The following IL4 variants were observed in gnomAD, a reference collection of about 807,000 sequenced individuals.
IL4 encodes the protein interleukin-4.
In IL4, 10 loss-of-function variants were observed where a neutral mutation model predicts 17.4. The ratio of observed to expected loss-of-function variants is 0.57; its 90% CI spans 0.35 to 0.97. The LOEUF is 0.97. Among genes scored for constraint, IL4 ranks in the 50% least tolerant of loss-of-function variants. The probability of loss-of-function intolerance (pLI) is 0.01; values close to 1 mark genes in which losing one functional copy is unlikely to be tolerated. For synonymous variants in IL4, 87 were observed against 79.0 expected, an observed-to-expected ratio of 1.10 and a Z score of -0.54; for missense variants, 174 against 187.7, an observed-to-expected ratio of 0.93 and a Z score of 0.43.
In IL4 at chr5:132,680,703, C is replaced by T. The variant is rs2243281; in HGVS notation, c.360+813C>T. On this transcript the variant is annotated intron_variant, in intron 3 of 3. Coordinates refer to ENST00000231449, the MANE Select transcript of IL4 (RefSeq NM_000589.4). The surrounding 1 kb of genome is among the most constrained non-coding windows in gnomAD (Gnocchi z 4.3). ...CTACCACAGTAAACCAGGCTAGAGA[C>T]GATGGTGGCGTGGACAGAATGAAGC... 0.026 allele frequency among the ~76,000 whole-genome samples: 45 copies of T among 1,706 alleles called. 10 individuals are homozygous for T. The highest frequency in any genetic ancestry group is 0.031 in the African/African-American group (11 of 356). The allele number at this position is 1,706 out of a possible 152,430, so 1.1% of individuals were successfully genotyped here.
intron 3 of IL4, among the ~76,000 whole-genome samples, chr5:132,681,574 A>G (rs1752489285): frequency 6.6e-6 from 1 of 152,206 alleles, no homozygotes; most frequent in South Asian, 2.1e-4. Flanking sequence ...CAGGGTGGTT[A>G]TGGAGTGAGG....
intron 3 of IL4, among the ~76,000 whole-genome samples, chr5:132,681,522 G>GATGTTTAGCTAT (rs369898740): frequency 1.1e-4 from 16 of 152,330 alleles, no homozygotes; most frequent in African/African-American, 3.8e-4. Flanking sequence ...ACTCTTTGAA[G>GATGTTTAGCTAT]ATGTTTAGCT....
intron 2 of IL4, chr5:132,677,636 T>C (rs1752405315): frequency 6.6e-6 from 1 of 152,238 alleles, no homozygotes; most frequent in African/African-American, 2.4e-5. Flanking sequence ...TTTTTTCCTA[T>C]ACTATGTGGC....
chr5:132,677,905 C>T (rs1752411804), intron 2 of IL4: 1 of 152,170 alleles, frequency 6.6e-6, no homozygotes, highest in African/African-American at 2.4e-5. Flanking sequence ...CCCCCAGAGC[C>T]CAAAGATACT....
chr5:132,675,857 G>A (rs1581042637), intron 2 of IL4, among the ~76,000 whole-genome samples: 2 of 135,462 alleles, frequency 1.5e-5, no homozygotes, highest in East Asian at 3.9e-4. Flanking sequence ...TTATGTGTGT[G>A]TGTGTGTGTG....
Position 132,674,078 on chromosome 5 carries a change from C to T in IL4, c.28C>T (p.Pro10Ser), listed in dbSNP as rs765889733. MGLTSQLLP[P>S]LFFLLACAGN... ...GGGTCTCACCTCCCAACTGCTTCCC[C>T]CTCTGTTCTTCCTGCTAGCATGTGC... The change falls in exon 1 of 4, where the codon CCT (proline) becomes TCT (serine). Residue 10 changes from proline to serine, a missense_variant. Transcript: ENST00000231449. 2 of 1,614,090 alleles carry T rather than the reference C, an allele frequency of 1.2e-6. No homozygotes were observed. The highest frequency in any genetic ancestry group is 3.3e-5 in the Admixed American group (2 of 60,006).
intron 2 of IL4, among the ~76,000 whole-genome samples, chr5:132,679,185 T>G (rs1026354346): frequency 7.9e-5 from 12 of 152,142 alleles, no homozygotes; most frequent in Non-Finnish European, 4.4e-5. Context: ...ACACGGAGAG[T>G]GCTGGCCAAA....
chr5:132,678,457 G>A (rs909789069), intron 2 of IL4, among the ~76,000 whole-genome samples: 1 of 152,164 alleles, frequency 6.6e-6, no homozygotes, highest in Middle Eastern at 3.2e-3. Context: ...ATGTATTTTT[G>A]TTGAATATAT....
At chr5:132,674,580 C>T in intron 2 of IL4, 74 bp downstream of exon 2, 1 of 1,292,568 alleles carries the variant, frequency 7.7e-7, no homozygotes, top group South Asian at 1.2e-5. Context: ...AGAAACTTGT[C>T]TAATGGAAAA....
rs1292803225 is a variant in IL4, at chr5:132,680,545, G to A, written c.360+655G>A. ...TACGTGATTTAAAAGGGTCAGTCTGGCTACTGTGTGGTAAATAGGCTGAAA... is the reference window on the plus strand; with the variant it reads ...TACGTGATTTAAAAGGGTCAGTCTGACTACTGTGTGGTAAATAGGCTGAAA... On this transcript the variant is annotated intron_variant, in intron 3 of 3. Coordinates refer to ENST00000231449, the MANE Select transcript of IL4 (RefSeq NM_000589.4). This position sits in a 1 kb window ranked among gnomAD's most constrained non-coding sequence, Gnocchi z 4.3. 6.6e-6 allele frequency among the ~76,000 whole-genome samples: 1 copy of A among 152,186 alleles called. No individual in the cohort carries two copies. The highest frequency in any genetic ancestry group is 1.5e-5 in the Non-Finnish European group (1 of 68,042).
In IL4 at chr5:132,680,858, AGATC is replaced by A. The variant is rs903094007; in HGVS notation, c.360+970_360+973del. 2.6e-5 allele frequency among the ~76,000 whole-genome samples: 4 copies of A among 152,218 alleles called. No homozygotes were observed. The highest frequency in any genetic ancestry group is 2.6e-4 in the Admixed American group (4 of 15,288). ...AATAAAACCAGAAGGATTTGCTGAC[AGATC>A]GGTTGTAGGGGGTAAGATACAGGGG... On this transcript the variant is annotated intron_variant, in intron 3 of 3. Transcript: ENST00000231449. The surrounding 1 kb of genome is among the most constrained non-coding windows in gnomAD (Gnocchi z 4.3).
chr5:132,677,201 T>C (rs1299702984), intron 2 of IL4, among the ~76,000 whole-genome samples: 2 of 152,244 alleles, frequency 1.3e-5, no homozygotes, highest in African/African-American at 4.8e-5. Flanking sequence ...TGGATTTATA[T>C]GGTCCTCAGT....
intron 2 of IL4, among the ~76,000 whole-genome samples, chr5:132,675,630 C>G (rs529379644): frequency 6.6e-6 from 1 of 151,768 alleles, no homozygotes; most frequent in South Asian, 2.1e-4. Context: ...CTCATAGCAG[C>G]CTCCACCTCC....
intron 2 of IL4, among the ~76,000 whole-genome samples, chr5:132,676,853 T>G (rs1752391318): frequency 6.6e-6 from 1 of 152,172 alleles, no homozygotes; most frequent in Non-Finnish European, 1.5e-5. Context: ...TATCTCTAAG[T>G]TGGGTAGCAT....
rs1247922982 is a variant in IL4 at position 132,680,736 on chromosome 5, C to T, written c.360+846C>T. On this transcript the variant is annotated intron_variant, in intron 3 of 3. Coordinates refer to ENST00000231449, the MANE Select transcript of IL4 (RefSeq NM_000589.4). The surrounding 1 kb of genome is among the most constrained non-coding windows in gnomAD (Gnocchi z 4.3). ...GCGTGGACAGAATGAAGCAAGATGG[C>T]CTGTTGGGAGGCTACCACAGTAAAC... Among the ~76,000 whole-genome samples, 1 of 150,090 alleles carries T rather than the reference C, an allele frequency of 6.7e-6. No individual in the cohort carries two copies. Among genetic ancestry groups the T allele is most frequent in the Non-Finnish European group, 1.5e-5 (1 of 67,804 alleles).
chr5:132,682,665 TA>T lies in IL4; in HGVS notation c.*79del. ...TTATAACTCATCATAAAATAAAGTA[TA>T]TATAGAATCTAACAGCAATGGCATT... On this transcript the variant is annotated 3_prime_UTR_variant, in exon 4 of 4. Transcript: ENST00000231449. 1.5e-6 allele frequency: 1 copy of T among 685,742 alleles called. No individual in the cohort carries two copies. The highest frequency in any genetic ancestry group is 2.4e-6 in the Non-Finnish European group (1 of 421,112). 42.5% of individuals were successfully genotyped at this position (685,742 alleles called of 1,614,324 possible).
In IL4 at chr5:132,679,800, G is replaced by C. The variant is rs922569136; in HGVS notation, c.270G>C (p.Leu90=). 3 of 1,613,930 alleles carry C rather than the reference G, an allele frequency of 1.9e-6. No individual in the cohort carries two copies. The highest frequency in any genetic ancestry group is 2.5e-6 in the Non-Finnish European group (3 of 1,179,968). The change falls in exon 3 of 4, where the codon CTG becomes CTC. Residue 90 remains leucine (L), a synonymous_variant. Coordinates refer to ENST00000231449, the MANE Select transcript of IL4 (RefSeq NM_000589.4). ...ACCATGAGAAGGACACTCGCTGCCT[G>C]GGTGCGACTGCACAGCAGTTCCACA... ...YSHHEKDTRC[L]GATAQQFHRH...
rs1752475460 is a variant in IL4, at chr5:132,680,894, A to G, written c.360+1004A>G. 6.6e-6 allele frequency among the ~76,000 whole-genome samples: 1 copy of G among 152,220 alleles called. No homozygotes were observed. The highest frequency in any genetic ancestry group is 1.5e-5 in the Non-Finnish European group (1 of 68,040). On this transcript the variant is annotated intron_variant, in intron 3 of 3. Transcript: ENST00000231449. This position sits in a 1 kb window ranked among gnomAD's most constrained non-coding sequence, Gnocchi z 4.3. ...AGGGGGTAAGATACAGGGGAGGAAA[A>G]GATGACCTCTTTGTTCCTGCCCAAA...
Position 132,679,993 on chromosome 5 carries a change from C to G in IL4, c.360+103C>G, listed in dbSNP as rs557873426. 1.3e-4 allele frequency: 118 copies of G among 896,700 alleles called. No homozygotes were observed. In the African/African-American group the frequency reaches 1.9e-3, roughly 14 times the overall value. 55.5% of individuals were successfully genotyped at this position (896,700 alleles called of 1,614,324 possible). ...GGAGCTGCAGCACCCTTGGTCAACC[C>G]ATTCATTCATTCACTCATTCAATAA... On this transcript the variant is annotated intron_variant, in intron 3 of 3. Coordinates refer to ENST00000231449, the MANE Select transcript of IL4 (RefSeq NM_000589.4).
Sources: allele counts gnomAD v4.1 joint callset (sites outside exome capture counted in the v4.1 genomes callset), GRCh38; gene constraint gnomAD v4.1.1; non-coding constraint Gnocchi (gnomAD v3.1); transcripts MANE v1.5; gene names NCBI Gene and HGNC (gene_info 2026-07-23, HGNC 2026-07-21).